INAFM1: variants seen among roughly 807,000 people sequenced by gnomAD.
The protein encoded by INAFM1 is InaF motif containing 1.
INAFM1 carries 11 observed loss-of-function variants against 9.4 expected under a neutral mutation model. The ratio of observed to expected loss-of-function variants is 1.17; its 90% confidence interval spans 0.74 to 1.94. The LOEUF (loss-of-function observed/expected upper bound fraction) is 1.94, where lower values mean the gene tolerates loss of function less well. Among genes scored for constraint, INAFM1 ranks in the 30% most tolerant of loss-of-function variants. The pLI is 0.00. For synonymous variants in INAFM1, 161 were observed against 109.5 expected, an observed-to-expected ratio of 1.47 and a Z score of -2.94; for missense variants, 318 against 221.6, an observed-to-expected ratio of 1.44 and a Z score of -2.76.
In INAFM1 at chr19:47,275,520, C is replaced by A; in HGVS notation, c.*172C>A. The A allele has an allele frequency of 4.6e-6, 4 of 874,386 alleles. No individual in the cohort carries two copies. The highest frequency in any genetic ancestry group is 6.7e-6 in the Non-Finnish European group (4 of 592,914). 54.2% of individuals were successfully genotyped at this position (874,386 alleles called of 1,614,324 possible). ...CAGGGGGTGTCAGCTCGGGGCCTTG[C>A]CTCTTGCAGCTACTCTGTGGTCAGG... On this transcript the variant is annotated 3_prime_UTR_variant, in exon 1 of 1. Coordinates refer to ENST00000552360, the MANE Select transcript of INAFM1 (RefSeq NM_178511.6).
At chr19:47,274,868 G>C, upstream of INAFM1, 1 of 1,182,156 alleles carries the variant, frequency 8.5e-7, no homozygotes, top group East Asian at 3.7e-5. Flanking sequence ...GCGGGGCCTG[G>C]TGGGGGCGGG....
Position 47,275,450 on chromosome 19 carries a change from C to T in INAFM1, c.*102C>T, listed in dbSNP as rs756872703. ...ATTGGTCCGGCCTTCTTCCTAATGA[C>T]ATCGCTCAGCGTCTCTGGAGCCGTC... On this transcript the variant is annotated 3_prime_UTR_variant, in exon 1 of 1. Transcript: ENST00000552360. 2 of 1,397,576 alleles carry T rather than the reference C, an allele frequency of 1.4e-6. No homozygotes were observed. Among genetic ancestry groups the T allele is most frequent in the Non-Finnish European group, 1.9e-6 (2 of 1,061,016 alleles). The allele number at this position is 1,397,576 out of a possible 1,614,324, so 86.6% of individuals were successfully genotyped here. A position where few individuals can be genotyped will look rare whatever the true frequency, so the allele number is the denominator to read the frequency against.
rs1425963313 is a variant in INAFM1 at position 47,275,472 on chromosome 19, C to T, written c.*124C>T. ...TGACATCGCTCAGCGTCTCTGGAGC[C>T]GTCATCCCGCGGAATGGGGGCCCAG... On this transcript the variant is annotated 3_prime_UTR_variant, in exon 1 of 1. Coordinates refer to ENST00000552360, the MANE Select transcript of INAFM1 (RefSeq NM_178511.6). 15 of 1,338,386 alleles carry T rather than the reference C, an allele frequency of 1.1e-5. No homozygotes were observed. Among genetic ancestry groups the T allele is most frequent in the Non-Finnish European group, 1.4e-5 (14 of 1,014,600 alleles). 82.9% of individuals were successfully genotyped at this position (1,338,386 alleles called of 1,614,324 possible).
chr19:47,275,217 C>A lies in INAFM1; in HGVS notation c.298C>A (p.Pro100Thr). Residue 100 changes from proline to threonine, a missense_variant, in exon 1 of 1, where the codon CCC becomes ACC. Coordinates refer to ENST00000552360, the MANE Select transcript of INAFM1 (RefSeq NM_178511.6). ...AASLSCLLGV[P>T]GGPRPQLQLP... ...CTCCCTCTCCTGCCTCCTGGGAGTCCCCGGCGGGCCGCGACCCCAGCTCCA... is the reference window on the plus strand; with the variant it reads ...CTCCCTCTCCTGCCTCCTGGGAGTCACCGGCGGGCCGCGACCCCAGCTCCA... 6.5e-7 allele frequency: 1 copy of A among 1,528,454 alleles called. No individual in the cohort carries two copies. The highest frequency in any genetic ancestry group is 8.8e-7 in the Non-Finnish European group (1 of 1,138,646). The allele number at this position is 1,528,454 out of a possible 1,614,324, so 94.7% of individuals were successfully genotyped here.
Position 47,275,217 on chromosome 19 carries a change from C to T in INAFM1, c.298C>T (p.Pro100Ser). The T allele has an allele frequency of 6.5e-7, 1 of 1,528,454 alleles. No individual in the cohort carries two copies. The highest frequency in any genetic ancestry group is 1.4e-5 in the African/African-American group (1 of 70,200). The allele number at this position is 1,528,454 out of a possible 1,614,324, so 94.7% of individuals were successfully genotyped here. ...AASLSCLLGV[P>S]GGPRPQLQLP... ...CTCCCTCTCCTGCCTCCTGGGAGTC[C>T]CCGGCGGGCCGCGACCCCAGCTCCA... Residue 100 changes from proline to serine, a missense_variant, in exon 1 of 1, where the codon CCC (proline) becomes TCC (serine). Pro to Ser is a moderately conservative substitution (Grantham distance 74, BLOSUM62 -1). Transcript: ENST00000552360.
In INAFM1 at chr19:47,275,588, C is replaced by T. The variant is rs1261482517; in HGVS notation, c.*240C>T. ...AGGAAGATCCCATCCTGAGCTCTGTCTCCTGCCCCTCCTGCTGTGGGATGC... is the reference window on the plus strand; with the variant it reads ...AGGAAGATCCCATCCTGAGCTCTGTTTCCTGCCCCTCCTGCTGTGGGATGC... On this transcript the variant is annotated 3_prime_UTR_variant, in exon 1 of 1. Transcript: ENST00000552360. 7.2e-6 allele frequency: 4 copies of T among 553,490 alleles called. No individual in the cohort carries two copies. Among genetic ancestry groups the T allele is most frequent in the Admixed American group, 3.8e-5 (1 of 26,100 alleles). The allele number at this position is 553,490 out of a possible 1,614,324, so 34.3% of individuals were successfully genotyped here. A position where few individuals can be genotyped will look rare whatever the true frequency, so the allele number is the denominator to read the frequency against.
At chr19:47,274,842 G>A (rs1176667332), upstream of INAFM1, 42 of 920,932 alleles carry the variant, frequency 4.6e-5, no homozygotes, top group African/African-American at 9.4e-5. Context: ...AGAGCGGGGC[G>A]GTCTGCGGGG....
At position 47,275,287 on chromosome 19, in the gene INAFM1, G is replaced by A. The variant is rs1347529967; in HGVS notation, c.368G>A (p.Arg123His). 1.3e-6 allele frequency: 2 copies of A among 1,545,872 alleles called. No homozygotes were observed. Among genetic ancestry groups the A allele is most frequent in the East Asian group, 2.5e-5 (1 of 40,170 alleles). Residue 123 changes from arginine (R) to histidine (H), a missense_variant, in exon 1 of 1, where the codon CGT (arginine) becomes CAT (histidine). Coordinates refer to ENST00000552360, the MANE Select transcript of INAFM1 (RefSeq NM_178511.6). ...CGCCGCTACAGCGACCCTGACCGCC[G>A]TCCGAGCCGCCAGACACCCAGAGAG... ...RRRRYSDPDR[R>H]PSRQTPRETP... is the part of the protein sequence containing the mutation.
rs1339108406 is a variant in INAFM1, at chr19:47,275,173, TC to T, written c.257del (p.Pro86ArgfsTer26). 8.9e-6 allele frequency: 13 copies of T among 1,466,566 alleles called. No homozygotes were observed. Among genetic ancestry groups the T allele is most frequent in the Non-Finnish European group, 1.2e-5 (13 of 1,116,156 alleles). The allele number at this position is 1,466,566 out of a possible 1,614,324, so 90.8% of individuals were successfully genotyped here. A position where few individuals can be genotyped will look rare whatever the true frequency, so the allele number is the denominator to read the frequency against. Reference protein sequence around the residue: ...PCAARPGVPPVPAPAAASLSC... With the variant: ...PCAARPGVPPXPAPAAASLSC... ...GCTGCCCGCCCGGGCGTGCCGCCTG[TC>T]CCGGCGCCCGCCGCTGCCTCCCTCT... On this transcript the variant is annotated frameshift_variant, in exon 1 of 1. Coordinates refer to ENST00000552360, the MANE Select transcript of INAFM1 (RefSeq NM_178511.6). LOFTEE classifies it high-confidence loss of function.
rs571808696 is a variant in INAFM1 at position 47,275,276 on chromosome 19, C to T, written c.357C>T (p.Asp119=). Reference sequence around the variant, plus strand: ...TGAGCCGCCGCCGCCGCTACAGCGACCCTGACCGCCGTCCGAGCCGCCAGA... The same window carrying T: ...TGAGCCGCCGCCGCCGCTACAGCGATCCTGACCGCCGTCCGAGCCGCCAGA... ...LPLSRRRRYS[D]PDRRPSRQTP... is the part of the protein sequence containing the mutation. Residue 119 remains aspartate (D), a synonymous_variant, in exon 1 of 1, where the codon GAC becomes GAT. Transcript: ENST00000552360. 20 of 1,545,698 alleles carry T rather than the reference C, an allele frequency of 1.3e-5. No individual in the cohort carries two copies. In the African/African-American group the frequency reaches 2.5e-4, roughly 19 times the overall value.
Position 47,275,484 on chromosome 19 carries a change from G to A in INAFM1, c.*136G>A, listed in dbSNP as rs570151583. 7.8e-7 allele frequency: 1 copy of A among 1,285,176 alleles called. No individual in the cohort carries two copies. The highest frequency in any genetic ancestry group is 3.0e-5 in the East Asian group (1 of 33,152). 79.6% of individuals were successfully genotyped at this position (1,285,176 alleles called of 1,614,324 possible). ...GCGTCTCTGGAGCCGTCATCCCGCG[G>A]AATGGGGGCCCAGGGGGTGTCAGCT... is the stretch of plus-strand genomic sequence containing the variant. On this transcript the variant is annotated 3_prime_UTR_variant, in exon 1 of 1. Coordinates refer to ENST00000552360, the MANE Select transcript of INAFM1 (RefSeq NM_178511.6).
In INAFM1 at chr19:47,275,521, C is replaced by G. The variant is rs867147443; in HGVS notation, c.*173C>G. The G allele has an allele frequency of 1.8e-4, 153 of 870,122 alleles. No individual in the cohort carries two copies. In the Middle Eastern group the frequency reaches 4.7e-3, roughly 26 times the overall value. 53.9% of individuals were successfully genotyped at this position (870,122 alleles called of 1,614,324 possible). A position where few individuals can be genotyped will look rare whatever the true frequency, so the allele number is the denominator to read the frequency against. On this transcript the variant is annotated 3_prime_UTR_variant, in exon 1 of 1. Coordinates refer to ENST00000552360, the MANE Select transcript of INAFM1 (RefSeq NM_178511.6). ...AGGGGGTGTCAGCTCGGGGCCTTGC[C>G]TCTTGCAGCTACTCTGTGGTCAGGC...
At position 47,275,219 on chromosome 19, in the gene INAFM1, C is replaced by T. The variant is rs779975297; in HGVS notation, c.300C>T (p.Pro100=). 20 of 1,528,676 alleles carry T rather than the reference C, an allele frequency of 1.3e-5. No individual in the cohort carries two copies. The highest frequency in any genetic ancestry group is 1.1e-4 in the South Asian group (9 of 83,012). The allele number at this position is 1,528,676 out of a possible 1,614,324, so 94.7% of individuals were successfully genotyped here. The part of the protein sequence containing the change: ...AASLSCLLGV[P]GGPRPQLQLP... ...CCCTCTCCTGCCTCCTGGGAGTCCC[C>T]GGCGGGCCGCGACCCCAGCTCCAGC... Residue 100 remains proline (P), a synonymous_variant, in exon 1 of 1, where the codon CCC becomes CCT. Transcript: ENST00000552360.
upstream of INAFM1, chr19:47,274,795 A>G (rs2059145687): frequency 4.6e-6 from 2 of 437,390 alleles, no homozygotes; most frequent in South Asian, 1.4e-4. Context: ...GGGCGTGACC[A>G]TGCTGGCGGG....
chr19:47,275,118 C>G lies in INAFM1; in HGVS notation c.199C>G (p.Pro67Ala). 1 of 1,492,324 alleles carries G rather than the reference C, an allele frequency of 6.7e-7. No individual in the cohort carries two copies. The highest frequency in any genetic ancestry group is 2.9e-5 in the East Asian group (1 of 34,850). The allele number at this position is 1,492,324 out of a possible 1,614,324, so 92.4% of individuals were successfully genotyped here. A position where few individuals can be genotyped will look rare whatever the true frequency, so the allele number is the denominator to read the frequency against. ...PTRSPAAPAG[P>A]QPSAPSPPCA... is the part of the protein sequence containing the mutation. Reference sequence around the variant, plus strand: ...GCGGTCTCCCGCGGCACCCGCCGGCCCACAGCCCAGCGCGCCGTCCCCTCC... The same window carrying G: ...GCGGTCTCCCGCGGCACCCGCCGGCGCACAGCCCAGCGCGCCGTCCCCTCC... The change falls in exon 1 of 1, where the codon CCA becomes GCA. Residue 67 changes from proline (P) to alanine (A), a missense_variant. Coordinates refer to ENST00000552360, the MANE Select transcript of INAFM1 (RefSeq NM_178511.6).
In INAFM1 at chr19:47,275,036, C is replaced by G; in HGVS notation, c.117C>G (p.Cys39Trp). Reference sequence around the variant, plus strand: ...CTCCGGTATGCGCCTACTTCCTCTGCGTCTCGCTAGCTGCCGTGCTGCTCG... The same window carrying G: ...CTCCGGTATGCGCCTACTTCCTCTGGGTCTCGCTAGCTGCCGTGCTGCTCG... Reference protein sequence around the residue: ...RLAPVCAYFLCVSLAAVLLAV... With the variant: ...RLAPVCAYFLWVSLAAVLLAV... Residue 39 changes from cysteine (C) to tryptophan (W), a missense_variant, in exon 1 of 1, where the codon TGC becomes TGG. Coordinates refer to ENST00000552360, the MANE Select transcript of INAFM1 (RefSeq NM_178511.6). The G allele has an allele frequency of 2.7e-6, 4 of 1,489,944 alleles. No homozygotes were observed. The highest frequency in any genetic ancestry group is 1.7e-4 in the Middle Eastern group (1 of 5,740). 92.3% of individuals were successfully genotyped at this position (1,489,944 alleles called of 1,614,324 possible).
chr19:47,274,466 G>T (rs115292041), upstream of INAFM1: 2,788 of 153,686 alleles, frequency 0.018, 119 homozygotes, highest in African/African-American at 0.064. Context: ...GTAGCGGGCA[G>T]GGCTCGAGCA....
upstream of INAFM1, chr19:47,274,834 AGCGGGGCGGTCT>A: frequency 3.4e-6 from 3 of 871,440 alleles, no homozygotes; most frequent in Non-Finnish European, 4.0e-6. Flanking sequence ...CGGTTTAGAG[AGCGGGGCGGTCT>A]GCGGGGTGGG....
At position 47,274,946 on chromosome 19, in the gene INAFM1, C is replaced by T. The variant is rs1422333254; in HGVS notation, c.27C>T (p.Gly9=). The T allele has an allele frequency of 2.5e-5, 34 of 1,346,286 alleles. 1 individual carries two copies. The African/African-American group carries it at 5.1e-4, about 20-fold the overall frequency. The allele number at this position is 1,346,286 out of a possible 1,614,324, so 83.4% of individuals were successfully genotyped here. A position where few individuals can be genotyped will look rare whatever the true frequency, so the allele number is the denominator to read the frequency against. ...TGCGGGGGACCAGCTGCGTGGGCGGCGGCGCCGAGAGCCCCGGAGGCGCGG... is the reference window on the plus strand; with the variant it reads ...TGCGGGGGACCAGCTGCGTGGGCGGTGGCGCCGAGAGCCCCGGAGGCGCGG... MRGTSCVG[G]GAESPGGAGL... Residue 9 remains glycine, a synonymous_variant, in exon 1 of 1, where the codon GGC becomes GGT. Transcript: ENST00000552360.
Sources: gnomAD v4.1 joint callset for allele counts on GRCh38, gnomAD v4.1.1 for gene constraint, MANE v1.5 for transcripts, NCBI Gene and HGNC (gene_info 2026-07-23, HGNC 2026-07-21) for gene names.